Variants in CMKLR2 observed in about 807,000 individuals in gnomAD.
CMKLR2 encodes chemerin chemokine-like receptor 2, also known as chemerin-like receptor 2.
In CMKLR2, 18 loss-of-function variants were observed where a neutral mutation model predicts 23.0. The observed-to-expected ratio is 0.78, with a 90% CI of 0.54 to 1.16. CMKLR2 has a LOEUF of 1.16. Ranked by LOEUF, CMKLR2 falls within the 50% of genes most tolerant of loss-of-function variation. CMKLR2 has a pLI of 0.00. For missense variants in CMKLR2, 401 were observed against 412.7 expected (o/e 0.97, Z 0.25); for synonymous variants, 158 against 158.9 (o/e 0.99, Z 0.05).
chr2:206,200,339 C>T (rs1689054487), intron 1 of CMKLR2, among the ~76,000 whole-genome samples: 1 of 152,186 alleles, frequency 6.6e-6, no homozygotes, highest in Non-Finnish European at 1.5e-5. Flanking sequence ...AGGAGAATCA[C>T]TTGAACCTGG....
intron 1 of CMKLR2, among the ~76,000 whole-genome samples, chr2:206,205,943 C>T (rs1272324707): frequency 6.6e-6 from 1 of 152,086 alleles, no homozygotes; most frequent in African/African-American, 2.4e-5. Context: ...TGGTGATCTG[C>T]CCGCCTCGGC....
upstream of CMKLR2, among the ~76,000 whole-genome samples, chr2:206,215,850 G>A (rs1171956713): frequency 6.6e-6 from 1 of 152,206 alleles, no homozygotes; most frequent in African/African-American, 2.4e-5. Flanking sequence ...GGTTAAGCTG[G>A]TGGGTCAGTT....
At chr2:206,182,113 T>C (rs1372226757) in intron 1 of CMKLR2, among the ~76,000 whole-genome samples, 1 of 151,456 alleles carries the variant, frequency 6.6e-6, no homozygotes, top group African/African-American at 2.4e-5. Flanking sequence ...TGTCTCGGGG[T>C]GGTAGGGGCA....
intron 1 of CMKLR2, among the ~76,000 whole-genome samples, chr2:206,180,732 C>A (rs991616964): frequency 2.2e-4 from 8 of 35,934 alleles, no homozygotes; most frequent in African/African-American, 6.7e-4. Context: ...CTGTGCCCAG[C>A]CCATTATTAT....
At position 206,176,124 on chromosome 2, in the gene CMKLR2, A is replaced by C. The variant is rs925362697; in HGVS notation, c.*56T>G. On this transcript the variant is annotated 3_prime_UTR_variant, in exon 2 of 2. Transcript: ENST00000621141. ...TTGGAAACAATTTTAATCTGAAAGC[A>C]TCAGTCAGAGGACCCACATAAAAAG... 8.1e-7 allele frequency: 1 copy of C among 1,239,210 alleles called. No individual in the cohort carries two copies. The highest frequency in any genetic ancestry group is 1.1e-6 in the Non-Finnish European group (1 of 884,764). The allele number at this position is 1,239,210 out of a possible 1,614,324, so 76.8% of individuals were successfully genotyped here.
rs560796868 is a variant in CMKLR2 at position 206,177,196 on chromosome 2, CATAGGAATAGTTTTCAAATT to C, written c.32_51del (p.Glu11GlyfsTer10). On this transcript the variant is annotated frameshift_variant, in exon 2 of 2. Transcript: ENST00000621141. LOFTEE classifies it high-confidence loss of function. ...GACTCCAGAGAGTAATAGTCTAGGT[CATAGGAATAGTTTTCAAATT>C]CTTCAAATAATGTTTCCTCCAAATC... is the stretch of plus-strand genomic sequence containing the variant. 4.2e-4 allele frequency: 685 copies of C among 1,613,074 alleles called. 2 individuals are homozygous for C. In the African/African-American group the frequency reaches 8.4e-3, roughly 20 times the overall value.
chr2:206,216,373 T>G (rs1339247646), upstream of CMKLR2, among the ~76,000 whole-genome samples: 2 of 152,190 alleles, frequency 1.3e-5, no homozygotes, highest in Non-Finnish European at 2.9e-5. Flanking sequence ...GAGACCTGCT[T>G]GAACCAGGAG....
chr2:206,215,691 A>C (rs1425585005), upstream of CMKLR2, among the ~76,000 whole-genome samples: 2 of 152,242 alleles, frequency 1.3e-5, no homozygotes, highest in Non-Finnish European at 2.9e-5. Flanking sequence ...GTATGTTTGA[A>C]GAGCTTCCCT....
intron 1 of CMKLR2, among the ~76,000 whole-genome samples, chr2:206,202,239 T>G (rs1203555872): frequency 6.6e-6 from 1 of 152,156 alleles, no homozygotes; most frequent in East Asian, 1.9e-4. Flanking sequence ...AATCAGACAT[T>G]ACACGTGATT....
intron 1 of CMKLR2, among the ~76,000 whole-genome samples, chr2:206,187,278 C>T (rs1559086978): frequency 6.6e-6 from 1 of 152,014 alleles, no homozygotes; most frequent in Non-Finnish European, 1.5e-5. Flanking sequence ...GAATGAGACT[C>T]CATCTCAAAA....
At chr2:206,203,194 G>T (rs1441595460) in intron 1 of CMKLR2, among the ~76,000 whole-genome samples, 1 of 151,130 alleles carries the variant, frequency 6.6e-6, no homozygotes, top group Non-Finnish European at 1.5e-5. Context: ...CGGGCATGGT[G>T]GCGCATGCCT....
At chr2:206,203,180 T>A (rs1340420163) in intron 1 of CMKLR2, among the ~76,000 whole-genome samples, 2 of 118,060 alleles carry the variant, frequency 1.7e-5, no homozygotes, top group East Asian at 2.7e-4. Context: ...AAAAAAAAAT[T>A]AGCCGGGCAT....
At chr2:206,215,898 G>A (rs1379048910), upstream of CMKLR2, among the ~76,000 whole-genome samples, 2 of 152,144 alleles carry the variant, frequency 1.3e-5, no homozygotes, top group African/African-American at 2.4e-5. Context: ...TGTGTAAGTG[G>A]CAGAGTTGGG....
chr2:206,204,739 A>T (rs1689250345), intron 1 of CMKLR2, among the ~76,000 whole-genome samples: 1 of 151,798 alleles, frequency 6.6e-6, no homozygotes, highest in South Asian at 2.1e-4. Flanking sequence ...GGTACTTTTG[A>T]TGGCATTTTG....
Position 206,190,110 on chromosome 2 carries a change from GC to G in CMKLR2, c.-28-12836del, listed in dbSNP as rs142957464. Among the ~76,000 whole-genome samples, 1,053 of 152,242 alleles carry G rather than the reference GC, an allele frequency of 6.9e-3. 11 individuals are homozygous for G. The highest frequency in any genetic ancestry group is 0.024 in the African/African-American group (1,003 of 41,524). On this transcript the variant is annotated intron_variant, in intron 1 of 1. Coordinates refer to ENST00000621141, the MANE Select transcript of CMKLR2 (RefSeq NM_001389445.1). ...AACAACCCTCACACTCCAACCCCTG[GC>G]ATAGCTTATCCTGTAATAGAGATGC...
At chr2:206,216,416 T>C (rs1559104184), upstream of CMKLR2, among the ~76,000 whole-genome samples, 1 of 152,184 alleles carries the variant, frequency 6.6e-6, no homozygotes, top group Non-Finnish European at 1.5e-5. Context: ...ATAGTGCCAC[T>C]GCACTCCAGT....
rs75103705 is a variant in CMKLR2, at chr2:206,182,189, G to C, written c.-28-4914C>G. On this transcript the variant is annotated intron_variant, in intron 1 of 1. Coordinates refer to ENST00000621141, the MANE Select transcript of CMKLR2 (RefSeq NM_001389445.1). ...AACCCATGTTGTTCAAGGATCAACT[G>C]TACTATTATTGGTCTCATTTTTAAC... 8.0e-4 allele frequency among the ~76,000 whole-genome samples: 122 copies of C among 152,136 alleles called. No individual in the cohort carries two copies. The East Asian group carries it at 0.023, about 29-fold the overall frequency.
intron 1 of CMKLR2, among the ~76,000 whole-genome samples, chr2:206,186,119 T>C (rs1378077873): frequency 1.7e-5 from 1 of 60,284 alleles, no homozygotes; most frequent in Non-Finnish European, 3.4e-5. Flanking sequence ...GGAATGGGCT[T>C]TTTTTTTTTT....
Position 206,191,933 on chromosome 2 carries a change from C to G in CMKLR2, c.-28-14658G>C, listed in dbSNP as rs190092844. On this transcript the variant is annotated intron_variant, in intron 1 of 1. Coordinates refer to ENST00000621141, the MANE Select transcript of CMKLR2 (RefSeq NM_001389445.1). ...TCGGTTCACTGCAACCTCTGCCTCC[C>G]GGGTTCACACTATTCTCCTGCCTCA... Among the ~76,000 whole-genome samples, 8 of 151,386 alleles carry G rather than the reference C, an allele frequency of 5.3e-5. No individual in the cohort carries two copies. The South Asian group carries it at 1.7e-3, about 32-fold the overall frequency.
Sources: allele counts gnomAD v4.1 joint callset (sites outside exome capture counted in the v4.1 genomes callset), GRCh38; gene constraint gnomAD v4.1.1; transcripts MANE v1.5; gene names NCBI Gene and HGNC (gene_info 2026-07-23, HGNC 2026-07-21).